The following NREP variants were observed in gnomAD, a reference collection of about 807,000 sequenced individuals.
NREP encodes neuronal regeneration related protein, also known as neuronal regeneration-related protein.
In NREP, 5 loss-of-function variants were observed where a neutral mutation model predicts 8.6. The observed-to-expected ratio is 0.58, with a 90% CI of 0.30 to 1.22. NREP has a LOEUF of 1.22. NREP is among the 50% of genes most tolerant of loss of function. The pLI, the probability that NREP is intolerant of heterozygous loss-of-function variation, is 0.07. For missense variants in NREP, 86 were observed against 82.5 expected (o/e 1.04, Z -0.17); for synonymous variants, 27 against 28.0 (o/e 0.96, Z 0.11).
At chr5:111,793,357 G>C (rs1211035584) in intron 2 of NREP, among the ~76,000 whole-genome samples, 2 of 152,142 alleles carry the variant, frequency 1.3e-5, no homozygotes, top group Non-Finnish European at 2.9e-5. Flanking sequence ...TGAGTCTGAA[G>C]GGGGAGGGGA....
chr5:111,744,795 C>G (rs1355387189), intron 2 of NREP, among the ~76,000 whole-genome samples: 1 of 152,012 alleles, frequency 6.6e-6, no homozygotes, highest in Non-Finnish European at 1.5e-5. Flanking sequence ...GCTTAAGTTC[C>G]CTAGAAAAAG....
At chr5:111,955,240 A>G (rs1756276589) in intron 2 of NREP, among the ~76,000 whole-genome samples, 1 of 152,146 alleles carries the variant, frequency 6.6e-6, no homozygotes, top group Non-Finnish European at 1.5e-5. Flanking sequence ...AATACCTGGG[A>G]TTATCACAGT....
At chr5:111,889,769 G>T (rs1754349806) in intron 2 of NREP, among the ~76,000 whole-genome samples, 1 of 152,180 alleles carries the variant, frequency 6.6e-6, no homozygotes, top group African/African-American at 2.4e-5. Flanking sequence ...GGGTGCAAGT[G>T]GGCTGAGTCC....
intron 2 of NREP, among the ~76,000 whole-genome samples, chr5:111,965,950 C>G (rs546901576): frequency 6.6e-6 from 1 of 152,212 alleles, no homozygotes; most frequent in South Asian, 2.1e-4. Context: ...AATGATAGCA[C>G]AGGTTGAAGC....
intron 2 of NREP, among the ~76,000 whole-genome samples, chr5:111,814,554 T>G (rs879451903): frequency 6.6e-6 from 1 of 152,120 alleles, no homozygotes; most frequent in Non-Finnish European, 1.5e-5. Flanking sequence ...GTCTAGAAAT[T>G]TATACTGTCT....
chr5:111,744,388 C>T (rs373605619), intron 2 of NREP, among the ~76,000 whole-genome samples: 1 of 151,524 alleles, frequency 6.6e-6, no homozygotes. Flanking sequence ...GTGTAAATCA[C>T]AGGGTACAGA....
At chr5:111,799,963 A>G (rs1021701450) in intron 2 of NREP, among the ~76,000 whole-genome samples, 3 of 152,178 alleles carry the variant, frequency 2.0e-5, no homozygotes, top group African/African-American at 7.2e-5. Flanking sequence ...TCCGTCACCC[A>G]GGCTGGAGTG....
intron 2 of NREP, among the ~76,000 whole-genome samples, chr5:111,959,124 A>G (rs931623277): frequency 1.3e-5 from 2 of 152,046 alleles, no homozygotes; most frequent in Non-Finnish European, 2.9e-5. Flanking sequence ...TTAGGGTGGG[A>G]AAGGTTTTCT....
chr5:111,965,652 T>C (rs1234523468), intron 2 of NREP, among the ~76,000 whole-genome samples: 1 of 152,198 alleles, frequency 6.6e-6, no homozygotes, highest in Admixed American at 6.5e-5. Flanking sequence ...TCATTTCATC[T>C]GTAAACATAT....
intron 2 of NREP, among the ~76,000 whole-genome samples, chr5:111,822,253 A>C (rs1410050682): frequency 6.6e-6 from 1 of 152,210 alleles, no homozygotes; most frequent in Non-Finnish European, 1.5e-5. Flanking sequence ...AGGGGAATAA[A>C]GAATAATGAG....
rs770188943 is a variant in NREP at position 111,856,728 on chromosome 5, G to A, written c.135+118546C>T. On this transcript the variant is annotated intron_variant, in intron 2 of 3. Coordinates refer to the NREP transcript ENST00000395634. The stretch of plus-strand genomic sequence containing the variant: ...TTCAAATTTGCCTATTTTATGATAC[G>A]AAGATTTTTTTTTTTTAACTTGAAA... 2.4e-4 allele frequency among the ~76,000 whole-genome samples: 37 copies of A among 151,040 alleles called. 1 individual carries two copies. Among genetic ancestry groups the A allele is most frequent in the Non-Finnish European group, 2.5e-4 (17 of 67,806 alleles).
chr5:111,915,657 C>G (rs1755036134), intron 2 of NREP, among the ~76,000 whole-genome samples: 1 of 152,020 alleles, frequency 6.6e-6, no homozygotes, highest in African/African-American at 2.4e-5. Flanking sequence ...GTAGTAATAC[C>G]ACAACCCAAC....
intron 2 of NREP, among the ~76,000 whole-genome samples, chr5:111,952,221 T>C (rs1756180518): frequency 6.6e-6 from 1 of 152,078 alleles, no homozygotes; most frequent in Admixed American, 6.6e-5. Flanking sequence ...GGACACCTGG[T>C]CTCCACATTG....
At chr5:111,879,214 G>C (rs906249777) in intron 2 of NREP, among the ~76,000 whole-genome samples, 5 of 152,098 alleles carry the variant, frequency 3.3e-5, no homozygotes, top group Admixed American at 2.0e-4. Context: ...GTATAAGCTT[G>C]CTGGGGCCTC....
At chr5:111,814,765 A>C (rs1315633406) in intron 2 of NREP, among the ~76,000 whole-genome samples, 2 of 152,138 alleles carry the variant, frequency 1.3e-5, no homozygotes, top group East Asian at 1.9e-4. Flanking sequence ...AGTATATGCA[A>C]AATATTAGAA....
At chr5:111,934,195 T>C (rs1191301734) in intron 2 of NREP, among the ~76,000 whole-genome samples, 1 of 152,040 alleles carries the variant, frequency 6.6e-6, no homozygotes, top group African/African-American at 2.4e-5. Flanking sequence ...GAATGTTGTC[T>C]CAAGATACTC....
intron 2 of NREP, among the ~76,000 whole-genome samples, chr5:111,917,676 T>G (rs990734929): frequency 6.6e-6 from 1 of 152,174 alleles, no homozygotes; most frequent in African/African-American, 2.4e-5. Flanking sequence ...TGCTAAAAAC[T>G]TTCAATAAAC....
At chr5:111,884,819 G>A (rs1482481336) in intron 2 of NREP, among the ~76,000 whole-genome samples, 10 of 152,246 alleles carry the variant, frequency 6.6e-5, no homozygotes, top group South Asian at 2.1e-4. Context: ...TTGATGGGAC[G>A]TATCTCAAAA....
At chr5:111,901,434 C>A (rs1754644156) in intron 2 of NREP, among the ~76,000 whole-genome samples, 1 of 152,150 alleles carries the variant, frequency 6.6e-6, no homozygotes, top group African/African-American at 2.4e-5. Flanking sequence ...AGGATGCCCA[C>A]TTTCAGCACT....
Sources: allele counts gnomAD v4.1 joint callset (sites outside exome capture counted in the v4.1 genomes callset), GRCh38; gene constraint gnomAD v4.1.1; transcripts MANE v1.5; gene names NCBI Gene and HGNC (gene_info 2026-07-23, HGNC 2026-07-21).